SLC13A2: variants seen among roughly 807,000 people sequenced by gnomAD.
The protein encoded by SLC13A2 is solute carrier family 13 member 2, also known as Na(+)-coupled citrate transporter.
In SLC13A2, 40 loss-of-function variants were observed where a neutral mutation model predicts 58.5. The ratio of observed to expected loss-of-function variants is 0.68; its 90% CI spans 0.53 to 0.89. The LOEUF (loss-of-function observed/expected upper bound fraction) is 0.89. Ranked by LOEUF, SLC13A2 falls within the 40% of genes least tolerant of loss-of-function variation. The probability of loss-of-function intolerance (pLI) is 0.00; values close to 1 mark genes in which losing one functional copy is unlikely to be tolerated. For synonymous variants in SLC13A2, 341 were observed against 331.6 expected, an observed-to-expected ratio of 1.03 and a Z score of -0.31; for missense variants, 694 against 772.6, an observed-to-expected ratio of 0.90 and a Z score of 1.21.
chr17:28,491,019 A>G, intron 4 of SLC13A2, 113 bp downstream of exon 4: 1 of 1,034,500 alleles, frequency 9.7e-7, no homozygotes, highest in South Asian at 1.7e-5. Flanking sequence ...GAGAAGAAAG[A>G]GATGCAAGAA....
Position 28,497,128 on chromosome 17 carries a change from T to C in SLC13A2, c.1638T>C (p.Ile546=), listed in dbSNP as rs1322720572. The C allele has an allele frequency of 1.2e-6, 2 of 1,613,960 alleles. No individual in the cohort carries two copies. Among genetic ancestry groups the C allele is most frequent in the East Asian group, 2.2e-5 (1 of 44,884 alleles). Residue 546 remains isoleucine (I), a synonymous_variant, in exon 12 of 12, where the codon ATT becomes ATC. Transcript: ENST00000314669. ...GGGCAGGATTCCTCCTCAACATCATTGGAGTCCTGATCATCGCACTGGCCA... is the reference window on the plus strand; with the variant it reads ...GGGCAGGATTCCTCCTCAACATCATCGGAGTCCTGATCATCGCACTGGCCA... ...MARAGFLLNI[I]GVLIIALAIN...
At chr17:28,476,675 C>G (rs2068676599) in intron 1 of SLC13A2, among the ~76,000 whole-genome samples, 1 of 152,176 alleles carries the variant, frequency 6.6e-6, no homozygotes, top group South Asian at 2.1e-4. Context: ...CTCTGACCAA[C>G]CCCAGTCATT....
chr17:28,492,324 G>C (rs921764304), intron 6 of SLC13A2, among the ~76,000 whole-genome samples: 1 of 152,208 alleles, frequency 6.6e-6, no homozygotes, highest in African/African-American at 2.4e-5. Context: ...CACGACAGAG[G>C]GAAGCCCAGA....
At chr17:28,492,865 A>C (rs2069056104) in intron 6 of SLC13A2, among the ~76,000 whole-genome samples, 1 of 152,226 alleles carries the variant, frequency 6.6e-6, no homozygotes, top group Non-Finnish European at 1.5e-5. Flanking sequence ...GGCAGTGGAG[A>C]GCCCTTGAAA....
At chr17:28,482,996 G>T (rs2068812204) in intron 1 of SLC13A2, among the ~76,000 whole-genome samples, 1 of 152,234 alleles carries the variant, frequency 6.6e-6, no homozygotes, top group Non-Finnish European at 1.5e-5. Context: ...ACTTGCTAGG[G>T]GCAGAGGGGC....
At chr17:28,476,031 C>T (rs782139373) in intron 1 of SLC13A2, among the ~76,000 whole-genome samples, 24 of 152,318 alleles carry the variant, frequency 1.6e-4, no homozygotes, top group Admixed American at 2.0e-4. Flanking sequence ...CACTTTTCCA[C>T]GTCCAAACCA....
At chr17:28,485,758 G>A (rs537505793) in intron 1 of SLC13A2, among the ~76,000 whole-genome samples, 81 of 152,166 alleles carry the variant, frequency 5.3e-4, no homozygotes, top group African/African-American at 1.9e-3. Context: ...AGGCTGAGGT[G>A]GGAGGATCAC....
rs781961856 is a variant in SLC13A2, at chr17:28,473,716, G to A, written c.4G>A (p.Ala2Thr). M[A>T]TCWQALWAYR... Reference sequence around the variant, plus strand: ...GCAGCCCTTGCTGCTCCACACCATGGCCACCTGCTGGCAGGCCCTGTGGGC... The same window carrying A: ...GCAGCCCTTGCTGCTCCACACCATGACCACCTGCTGGCAGGCCCTGTGGGC... The change falls in exon 1 of 12, where the codon GCC becomes ACC. Residue 2 changes from alanine to threonine, a missense_variant. By Grantham distance (58) the Ala-to-Thr change is moderately conservative (BLOSUM62 0). Coordinates refer to ENST00000314669, the MANE Select transcript of SLC13A2 (RefSeq NM_003984.4). 1.1e-5 allele frequency: 18 copies of A among 1,613,776 alleles called. No homozygotes were observed. Among genetic ancestry groups the A allele is most frequent in the Non-Finnish European group, 1.5e-5 (18 of 1,179,852 alleles).
intron 1 of SLC13A2, among the ~76,000 whole-genome samples, chr17:28,476,244 C>T (rs983982800): frequency 6.6e-6 from 1 of 152,156 alleles, no homozygotes; most frequent in African/African-American, 2.4e-5. Context: ...ACTGTCTCCC[C>T]GGTCATTTCC....
At chr17:28,493,498 G>A (rs1313147220) in intron 6 of SLC13A2, 73 bp from the exon 7 acceptor site, 16 of 1,290,398 alleles carry the variant, frequency 1.2e-5, no homozygotes, top group Non-Finnish European at 1.7e-5. Flanking sequence ...GCCTTTAGAT[G>A]GTAGGCACTC....
chr17:28,484,566 T>C (rs2068843268), intron 1 of SLC13A2, among the ~76,000 whole-genome samples: 2 of 152,170 alleles, frequency 1.3e-5, no homozygotes, highest in East Asian at 1.9e-4. Flanking sequence ...GTGAGCTGTT[T>C]TGAGATGAGT....
In SLC13A2 at chr17:28,495,673, T is replaced by G. The variant is rs782768694; in HGVS notation, c.1327T>G (p.Trp443Gly). 1 of 1,610,984 alleles carries G rather than the reference T, an allele frequency of 6.2e-7. No individual in the cohort carries two copies. Among genetic ancestry groups the G allele is most frequent in the Admixed American group, 1.7e-5 (1 of 59,998 alleles). ...KGSERSGLSE[W>G]LGNKLTPLQS... ...CCCACAGCGATCGGGCCTGTCAGAG[T>G]GGCTGGGAAACAAGCTGACCCCACT... Residue 443 changes from tryptophan to glycine, a missense_variant, in exon 10 of 12, where the codon TGG (tryptophan) becomes GGG (glycine). Trp to Gly is a radical substitution (Grantham distance 184). Transcript: ENST00000314669.
At chr17:28,478,422 GT>G (rs2068729390) in intron 1 of SLC13A2, among the ~76,000 whole-genome samples, 2 of 152,364 alleles carry the variant, frequency 1.3e-5, no homozygotes, top group South Asian at 4.1e-4. Flanking sequence ...GGAGACAGGT[GT>G]TTACACCACA....
chr17:28,475,193 C>T (rs2151440634), intron 1 of SLC13A2, among the ~76,000 whole-genome samples: 1 of 152,324 alleles, frequency 6.6e-6, no homozygotes, highest in African/African-American at 2.4e-5. Flanking sequence ...CAGAAAGATT[C>T]AGTAACTTGC....
chr17:28,484,825 G>C (rs1456173904), intron 1 of SLC13A2, among the ~76,000 whole-genome samples: 2 of 152,154 alleles, frequency 1.3e-5, no homozygotes, highest in Non-Finnish European at 2.9e-5. Context: ...GGGTATTTGT[G>C]GAATGAGTGG....
At chr17:28,489,177 C>A in intron 1 of SLC13A2, 37 bp from the exon 2 acceptor site, 1 of 1,607,542 alleles carries the variant, frequency 6.2e-7, no homozygotes, top group Admixed American at 1.7e-5. Flanking sequence ...GGGACACAGG[C>A]CCTCTGACAG....
In SLC13A2 at chr17:28,473,698, T is replaced by C. The variant is rs782104182; in HGVS notation, c.-15T>C. ...CTGGAGGCAGTGGCTGTAGCAGCCC[T>C]TGCTGCTCCACACCATGGCCACCTG... On this transcript the variant is annotated 5_prime_UTR_variant, in exon 1 of 12. Coordinates refer to ENST00000314669, the MANE Select transcript of SLC13A2 (RefSeq NM_003984.4). 3.4e-5 allele frequency: 55 copies of C among 1,600,290 alleles called. No homozygotes were observed. The highest frequency in any genetic ancestry group is 4.1e-5 in the Non-Finnish European group (48 of 1,168,184).
chr17:28,485,169 G>A (rs565371060), intron 1 of SLC13A2, among the ~76,000 whole-genome samples: 1 of 152,292 alleles, frequency 6.6e-6, no homozygotes, highest in Non-Finnish European at 1.5e-5. Flanking sequence ...GTAGAAAGAA[G>A]AGCATTCGCC....
intron 7 of SLC13A2, 96 bp from the exon 8 acceptor site, chr17:28,493,921 C>A: frequency 6.7e-7 from 1 of 1,481,740 alleles, no homozygotes; most frequent in South Asian, 1.2e-5. Context: ...CCAGGCTTGT[C>A]TATGGGAGAG....
Sources: gnomAD v4.1 joint callset for allele counts (sites outside exome capture counted in the v4.1 genomes callset) on GRCh38, gnomAD v4.1.1 for gene constraint, MANE v1.5 for transcripts, NCBI Gene and HGNC (gene_info 2026-07-23, HGNC 2026-07-21) for gene names.